DIAPH2: variants seen among roughly 807,000 people sequenced by gnomAD.
The protein encoded by DIAPH2 is protein diaphanous homolog 2.
A neutral mutation model predicts 92.7 loss-of-function variants in DIAPH2; 35 were observed. That is an observed-to-expected ratio of 0.38 (90% confidence interval 0.29 to 0.50). The LOEUF (loss-of-function observed/expected upper bound fraction) is 0.50. Ranked by LOEUF, DIAPH2 falls within the 20% of genes least tolerant of loss-of-function variation. DIAPH2 has a pLI of 0.94. For missense variants in DIAPH2, 701 were observed against 819.5 expected (o/e 0.86, Z 1.77); for synonymous variants, 301 against 280.4 (o/e 1.07, Z -0.73).
At chrX:97,003,419 CAA>C (rs2066158368) in intron 17 of DIAPH2, among the ~76,000 whole-genome samples, 1 of 111,986 alleles carries the variant, frequency 8.9e-6, no homozygotes, top group Non-Finnish European at 1.9e-5. Flanking sequence ...TTCCCACCAA[CAA>C]CAATATACAA....
intron 20 of DIAPH2, among the ~76,000 whole-genome samples, chrX:97,109,759 A>G (rs1018357735): frequency 6.3e-5 from 7 of 111,403 alleles, no homozygotes; most frequent in Non-Finnish European, 1.1e-4. Flanking sequence ...CCAGCATTTT[A>G]CTGAATATTA....
rs145432718 is a variant in DIAPH2, at chrX:97,571,051, G to A, written c.3242-28202G>A. Among the ~76,000 whole-genome samples, 864 of 111,388 alleles carry A rather than the reference G, an allele frequency of 7.8e-3. 6 individuals carry two copies. Among genetic ancestry groups the A allele is most frequent in the African/African-American group, 0.027 (819 of 30,672 alleles). ...GATAATATAGTGCACGTTCAAAACC[G>A]AGTAAGTCACAGTTGGTGGGCACAG... On this transcript the variant is annotated intron_variant, in intron 26 of 26. Transcript: ENST00000324765.
chrX:97,349,006 GTGTGTATATATA>G (rs201863877), intron 24 of DIAPH2, among the ~76,000 whole-genome samples: 18 of 104,366 alleles, frequency 1.7e-4, no homozygotes, highest in African/African-American at 5.2e-4. Context: ...ATATATATGT[GTGTGTATATATA>G]TGTGTATATA....
At chrX:97,251,402 T>TATGGGGAAAA (rs1429408152) in intron 23 of DIAPH2, among the ~76,000 whole-genome samples, 2 of 108,490 alleles carry the variant, frequency 1.8e-5, no homozygotes. Flanking sequence ...TTCCCCCAGG[T>TATGGGGAAAA]ATGGGGAAAA....
In DIAPH2 at chrX:96,817,117, C is replaced by T. The variant is rs6615870; in HGVS notation, c.447+58859C>T. 3.2e-4 allele frequency among the ~76,000 whole-genome samples: 36 copies of T among 110,988 alleles called. 1 individual carries two copies. The East Asian group carries it at 9.9e-3, about 30-fold the overall frequency. ...GGGAAGTGGGGATGGTTAATGTGTA[C>T]AAAAAAATAGAATGAATAAGACCTA... On this transcript the variant is annotated intron_variant, in intron 4 of 26. Transcript: ENST00000324765.
chrX:96,917,126 C>T (rs1201078542), intron 8 of DIAPH2, among the ~76,000 whole-genome samples: 1 of 111,441 alleles, frequency 9.0e-6, no homozygotes, highest in Non-Finnish European at 1.9e-5. Flanking sequence ...ATCACATCTT[C>T]TTATGGAAAT....
chrX:96,777,141 G>A (rs566638490), intron 4 of DIAPH2, among the ~76,000 whole-genome samples: 1 of 111,674 alleles, frequency 9.0e-6, no homozygotes, highest in East Asian at 2.8e-4. Context: ...TCTGGTTACT[G>A]GAAATTCAGT....
chrX:97,201,271 A>G (rs1465009973), intron 22 of DIAPH2, among the ~76,000 whole-genome samples: 1 of 108,019 alleles, frequency 9.3e-6, no homozygotes, highest in Non-Finnish European at 1.9e-5. Flanking sequence ...CTCCAAATGA[A>G]CGCAACACCT....
chrX:97,556,946 A>G (rs1346713407), intron 26 of DIAPH2, among the ~76,000 whole-genome samples: 2 of 112,121 alleles, frequency 1.8e-5, no homozygotes, highest in Non-Finnish European at 3.8e-5. Flanking sequence ...CAGGGCAACT[A>G]ACATTGTCTC....
intron 1 of DIAPH2, among the ~76,000 whole-genome samples, chrX:96,727,607 T>C (rs759180984): frequency 3.0e-4 from 34 of 112,282 alleles, no homozygotes; most frequent in African/African-American, 1.0e-3. Flanking sequence ...AGTTTCTCAA[T>C]GAAGCTATAT....
intron 22 of DIAPH2, among the ~76,000 whole-genome samples, chrX:97,208,545 C>T (rs754813135): frequency 1.1e-4 from 12 of 111,561 alleles, no homozygotes; most frequent in South Asian, 3.8e-4. Flanking sequence ...TTTCTGTGTT[C>T]GCTACTTTTG....
At chrX:96,838,059 C>G (rs148977259) in intron 4 of DIAPH2, among the ~76,000 whole-genome samples, 1,816 of 111,784 alleles carry the variant, frequency 0.016, 44 homozygotes, top group African/African-American at 0.056. Flanking sequence ...CATTTGAACT[C>G]AGGTTGTGTT....
chrX:97,284,785 A>G (rs905720696), intron 23 of DIAPH2, among the ~76,000 whole-genome samples: 5 of 111,113 alleles, frequency 4.5e-5, no homozygotes, highest in Non-Finnish European at 9.4e-5. Context: ...GAGAATGCTT[A>G]GTGTGCCATA....
At chrX:97,491,651 C>G (rs966048335) in intron 26 of DIAPH2, among the ~76,000 whole-genome samples, 1 of 111,525 alleles carries the variant, frequency 9.0e-6, no homozygotes, top group Non-Finnish European at 1.9e-5. Context: ...CCTCATGATC[C>G]ACCCAAAGTG....
In DIAPH2 at chrX:97,505,151, TG is replaced by T. The variant is rs769279632; in HGVS notation, c.3241+75407del. The stretch of plus-strand genomic sequence containing the variant: ...CAATACTTTGCAATTAAAGAGTTTT[TG>T]ATTCCTACATTGCAGAGCAGGCCTC... On this transcript the variant is annotated intron_variant, in intron 26 of 26. Coordinates refer to ENST00000324765, the MANE Select transcript of DIAPH2 (RefSeq NM_006729.5). Among the ~76,000 whole-genome samples, 527 of 112,472 alleles carry T rather than the reference TG, an allele frequency of 4.7e-3. 5 individuals are homozygous for T. Among genetic ancestry groups the T allele is most frequent in the African/African-American group, 0.016 (506 of 31,010 alleles).
At position 97,057,072 on chromosome X, in the gene DIAPH2, A is replaced by T. The variant is rs762645827; in HGVS notation, c.2051-15869A>T. ...TAGAAGATATATAATAACATCATTG[A>T]TAATTACTATTAGAAAGGAAATTAG... On this transcript the variant is annotated intron_variant, in intron 17 of 26. Transcript: ENST00000324765. Among the ~76,000 whole-genome samples the T allele has an allele frequency of 5.3e-5, 6 of 112,281 alleles. No individual in the cohort carries two copies. The East Asian group carries it at 1.4e-3, about 26-fold the overall frequency.
At chrX:97,096,800 A>T (rs755720099) in intron 19 of DIAPH2, among the ~76,000 whole-genome samples, 14 of 112,003 alleles carry the variant, frequency 1.2e-4, no homozygotes, top group Admixed American at 2.8e-4. Context: ...CTGGAATCAC[A>T]TCCAAAAAAC....
At chrX:96,750,816 G>T (rs963939103) in intron 3 of DIAPH2, among the ~76,000 whole-genome samples, 1 of 112,339 alleles carries the variant, frequency 8.9e-6, no homozygotes, top group Non-Finnish European at 1.9e-5. Flanking sequence ...TGATCTATAC[G>T]TGTCTTCTGA....
intron 21 of DIAPH2, among the ~76,000 whole-genome samples, chrX:97,122,871 G>A (rs980114750): frequency 9.0e-6 from 1 of 111,299 alleles, no homozygotes; most frequent in Non-Finnish European, 1.9e-5. Context: ...CCTAGTCACT[G>A]GTTGCTAATC....
Sources: allele counts gnomAD v4.1 joint callset (sites outside exome capture counted in the v4.1 genomes callset), GRCh38; gene constraint gnomAD v4.1.1; transcripts MANE v1.5; gene names NCBI Gene and HGNC (gene_info 2026-07-23, HGNC 2026-07-21).